VAV2: variants seen among roughly 807,000 people sequenced by gnomAD.
The protein encoded by VAV2 is guanine nucleotide exchange factor VAV2.
Under a neutral mutation model 132.5 loss-of-function variants are expected in VAV2, and 67 were observed. The observed-to-expected ratio is 0.51, with a 90% confidence interval of 0.42 to 0.62. The LOEUF is 0.62. Ranked by LOEUF, VAV2 falls within the 20% of genes least tolerant of loss-of-function variation. The pLI is 0.00. For missense variants in VAV2, 938 were observed against 1,153.6 expected (o/e 0.81, Z 2.71); for synonymous variants, 492 against 443.5 (o/e 1.11, Z -1.37).
chr9:133,851,905 ATGGG>A (rs1156786517), intron 3 of VAV2, among the ~76,000 whole-genome samples: 6 of 136,354 alleles, frequency 4.4e-5, no homozygotes, highest in East Asian at 2.0e-4. Context: ...GGATGGATGG[ATGGG>A]TGGATGGATG....
chr9:133,920,138 C>A (rs989474288), intron 2 of VAV2, among the ~76,000 whole-genome samples: 1 of 152,162 alleles, frequency 6.6e-6, no homozygotes, highest in Non-Finnish European at 1.5e-5. Context: ...AGCCAGCAGA[C>A]AGCTCAGCAG....
At chr9:133,866,160 G>A (rs1837791549) in intron 2 of VAV2, among the ~76,000 whole-genome samples, 2 of 152,190 alleles carry the variant, frequency 1.3e-5, no homozygotes, top group Admixed American at 6.5e-5. Context: ...CCCCCCAGGG[G>A]GTGGGTGGGG....
At chr9:133,954,570 A>T (rs1841682450) in intron 1 of VAV2, among the ~76,000 whole-genome samples, 1 of 152,266 alleles carries the variant, frequency 6.6e-6, no homozygotes. Flanking sequence ...GGCTGGGGGG[A>T]GCGGGAGCTG....
At chr9:133,809,267 G>T in intron 6 of VAV2, 129 bp from the exon 7 acceptor site, 2 of 723,610 alleles carry the variant, frequency 2.8e-6, no homozygotes, top group Non-Finnish European at 4.7e-6. Flanking sequence ...AGGTCACTGA[G>T]TGTGCAGTGC....
At chr9:133,956,742 C>T (rs1446241247) in intron 1 of VAV2, among the ~76,000 whole-genome samples, 1 of 152,238 alleles carries the variant, frequency 6.6e-6, no homozygotes, top group East Asian at 1.9e-4. Flanking sequence ...GCCAGGCCAA[C>T]AGCTGGGCCA....
chr9:133,791,251 G>A (rs975020862), intron 13 of VAV2, among the ~76,000 whole-genome samples: 2 of 152,166 alleles, frequency 1.3e-5, no homozygotes, highest in African/African-American at 4.8e-5. Flanking sequence ...CCTGGCCTCT[G>A]CAGGGCCAGA....
intron 4 of VAV2, among the ~76,000 whole-genome samples, chr9:133,814,913 G>C (rs901181002): frequency 6.6e-6 from 1 of 152,188 alleles, no homozygotes; most frequent in African/African-American, 2.4e-5. Flanking sequence ...CTTCACTCGT[G>C]CCTCCCACCG....
intron 8 of VAV2, among the ~76,000 whole-genome samples, chr9:133,806,867 A>G (rs1469970763): frequency 6.6e-6 from 1 of 152,196 alleles, no homozygotes; most frequent in East Asian, 1.9e-4. Context: ...CGTCTAGGTG[A>G]CTCTTTGCAT....
rs561916337 is a variant in VAV2, at chr9:133,826,437, C to T, written c.449+7835G>A. 9.2e-5 allele frequency among the ~76,000 whole-genome samples: 14 copies of T among 152,312 alleles called. 1 individual carries two copies. In the South Asian group the frequency reaches 1.7e-3, roughly 18 times the overall value. ...TCTGGGGAGAAGCCAGGAGGACACGCGGTTCCTGACAGAGCCTGGCTGTGT... is the reference window on the plus strand; with the variant it reads ...TCTGGGGAGAAGCCAGGAGGACACGTGGTTCCTGACAGAGCCTGGCTGTGT... On this transcript the variant is annotated intron_variant, in intron 4 of 29. Coordinates refer to ENST00000371850, the MANE Select transcript of VAV2 (RefSeq NM_001134398.2). The surrounding 1 kb of genome is among the most constrained non-coding windows in gnomAD (Gnocchi z 4.2).
chr9:133,983,756 C>T (rs379996), intron 1 of VAV2, among the ~76,000 whole-genome samples: 36,951 of 151,604 alleles, frequency 0.24, 5,581 homozygotes, highest in Middle Eastern at 0.37. Flanking sequence ...GTCCCACTCC[C>T]GGTCAGTCCC....
At chr9:133,810,089 G>T in intron 6 of VAV2, 102 bp downstream of exon 6, 1 of 1,539,424 alleles carries the variant, frequency 6.5e-7, no homozygotes. Context: ...TCTTCCTGGG[G>T]GCAGGGTCCC....
chr9:133,792,717 G>A (rs1205846263), intron 12 of VAV2, among the ~76,000 whole-genome samples: 2 of 128,680 alleles, frequency 1.6e-5, no homozygotes, highest in Non-Finnish European at 3.1e-5. Flanking sequence ...CAGGCACCGG[G>A]CGTTTCTGGA....
intron 13 of VAV2, 91 bp from the exon 14 acceptor site, chr9:133,789,434 G>A (rs1834365517): frequency 8.2e-7 from 1 of 1,220,908 alleles, no homozygotes; most frequent in Non-Finnish European, 1.2e-6. Context: ...TGCACCCAAG[G>A]GAACTCCCCA....
At chr9:133,764,191 C>T (rs745919841) in intron 29 of VAV2, 82 bp from the exon 30 acceptor site, 78 of 1,561,920 alleles carry the variant, frequency 5.0e-5, no homozygotes, top group Non-Finnish European at 6.4e-5. Context: ...GGGGTGAGGG[C>T]AAGTAGAGGC....
At chr9:133,989,008 G>A (rs938083520) in intron 1 of VAV2, among the ~76,000 whole-genome samples, 4 of 152,144 alleles carry the variant, frequency 2.6e-5, no homozygotes, top group Middle Eastern at 3.4e-3. Flanking sequence ...ACAGGAGTTC[G>A]AGCCCAGCCT....
At chr9:133,771,174 G>A (rs1197231935) in intron 26 of VAV2, among the ~76,000 whole-genome samples, 1 of 148,494 alleles carries the variant, frequency 6.7e-6, no homozygotes, top group Non-Finnish European at 1.5e-5. Flanking sequence ...AACAATTCTC[G>A]TGCCTCAGCC....
intron 1 of VAV2, among the ~76,000 whole-genome samples, chr9:133,990,274 A>C (rs1468459805): frequency 2.0e-5 from 3 of 151,608 alleles, no homozygotes; most frequent in African/African-American, 7.3e-5. Flanking sequence ...ACCCCTAGAC[A>C]CCCGTCCACC....
intron 1 of VAV2, among the ~76,000 whole-genome samples, chr9:133,945,187 T>C (rs1227903173): frequency 1.3e-5 from 2 of 152,214 alleles, no homozygotes; most frequent in African/African-American, 4.8e-5. Context: ...ACTGCTGGCC[T>C]CTAAGCTATC....
At chr9:133,871,857 C>A (rs1275264242) in intron 2 of VAV2, among the ~76,000 whole-genome samples, 1 of 152,204 alleles carries the variant, frequency 6.6e-6, no homozygotes, top group Non-Finnish European at 1.5e-5. Context: ...GAGCCACCAC[C>A]TGCCCAGGGG....
Sources: allele counts gnomAD v4.1 joint callset (sites outside exome capture counted in the v4.1 genomes callset), GRCh38; gene constraint gnomAD v4.1.1; non-coding constraint Gnocchi (gnomAD v3.1); transcripts MANE v1.5; gene names NCBI Gene and HGNC (gene_info 2026-07-23, HGNC 2026-07-21).